Variants in FKBP2 observed in about 807,000 individuals in gnomAD.
FKBP2 encodes the protein FKBP prolyl isomerase 2, also known as peptidyl-prolyl cis-trans isomerase FKBP2.
A neutral mutation model predicts 19.4 loss-of-function variants in FKBP2; 15 were observed. That is an observed-to-expected ratio of 0.77 (90% CI 0.52 to 1.19). FKBP2 has a LOEUF of 1.19. Ranked by LOEUF, FKBP2 falls within the 50% of genes most tolerant of loss-of-function variation. The pLI is 0.00. For missense variants in FKBP2, 170 were observed against 179.0 expected (o/e 0.95, Z 0.29); for synonymous variants, 76 against 74.8 (o/e 1.02, Z -0.08).
chr11:64,243,550 A>G, intron 4 of FKBP2, 53 bp downstream of exon 4: 1 of 1,599,888 alleles, frequency 6.3e-7, no homozygotes, highest in Non-Finnish European at 8.6e-7. Flanking sequence ...GTGACTGGGA[A>G]GGGTGAAAGC....
Position 64,244,131 on chromosome 11 carries a change from A to C in FKBP2, c.*102A>C. 7.7e-7 allele frequency: 1 copy of C among 1,303,702 alleles called. No homozygotes were observed. Among genetic ancestry groups the C allele is most frequent in the Non-Finnish European group, 1.1e-6 (1 of 940,710 alleles). 80.8% of individuals were successfully genotyped at this position (1,303,702 alleles called of 1,614,324 possible). On this transcript the variant is annotated 3_prime_UTR_variant, in exon 6 of 6. Coordinates refer to ENST00000309366, the MANE Select transcript of FKBP2 (RefSeq NM_004470.4). ...CAAACAAAAAAACACTTAAAAGCCC[A>C]AGGAGTAAGCCTGTGTGTGTTTGTG...
intron 4 of FKBP2, 98 bp downstream of exon 4, chr11:64,243,595 T>G: frequency 6.9e-7 from 1 of 1,449,916 alleles, no homozygotes; most frequent in Non-Finnish European, 9.6e-7. Flanking sequence ...ACCGTATCCA[T>G]TCATTACAAT....
intron 1 of FKBP2, chr11:64,242,090 G>T (rs2030541348): frequency 3.0e-6 from 1 of 331,212 alleles, no homozygotes; most frequent in Non-Finnish European, 5.6e-6. Context: ...AGCGGAGGTG[G>T]GGACTGGGAG....
At position 64,242,427 on chromosome 11, in the gene FKBP2, A is replaced by G. The variant is rs1212613233; in HGVS notation, c.40A>G (p.Ile14Val). Reference sequence around the variant, plus strand: ...GTTCCGGGTCCTGACAGTACTGTCCATCTGCCTGAGCGCCGTGGCCACGGC... The same window carrying G: ...GTTCCGGGTCCTGACAGTACTGTCCGTCTGCCTGAGCGCCGTGGCCACGGC... ...SWFRVLTVLS[I>V]CLSAVATATG... The change falls in exon 2 of 6, where the codon ATC becomes GTC. Residue 14 changes from isoleucine (I) to valine (V), a missense_variant. Transcript: ENST00000309366. 9 of 1,555,502 alleles carry G rather than the reference A, an allele frequency of 5.8e-6. No homozygotes were observed. Among genetic ancestry groups the G allele is most frequent in the African/African-American group, 1.4e-5 (1 of 70,572 alleles).
rs2030749627 is a variant in FKBP2 at position 64,244,093 on chromosome 11, C to A, written c.*64C>A. On this transcript the variant is annotated 3_prime_UTR_variant, in exon 6 of 6. Coordinates refer to ENST00000309366, the MANE Select transcript of FKBP2 (RefSeq NM_004470.4). ...GGACCAGACTGTTCCAAAAAAAAAA[C>A]AAAAAACAAAAACAAACAAAAAAAC... is the stretch of plus-strand genomic sequence containing the variant. The A allele has an allele frequency of 4.6e-6, 7 of 1,524,368 alleles. No homozygotes were observed. Among genetic ancestry groups the A allele is most frequent in the Admixed American group, 1.8e-5 (1 of 54,844 alleles). The allele number at this position is 1,524,368 out of a possible 1,614,324, so 94.4% of individuals were successfully genotyped here.
chr11:64,243,407 G>A (rs1400713499), intron 3 of FKBP2, 44 bp from the exon 4 acceptor site: 3 of 1,612,584 alleles, frequency 1.9e-6, no homozygotes, highest in Non-Finnish European at 2.5e-6. Flanking sequence ...TACAAGACAA[G>A]GGCCCTGGGT....
rs2030562784 is a variant in FKBP2, at chr11:64,242,308, C to T, written c.-4-76C>T. On this transcript the variant is annotated intron_variant, in intron 1 of 5. Transcript: ENST00000309366. ...AAGATACAGTGGCGGTGGAACCCTC[C>T]TGTTACCTACCCGTGTTCCATACTC... is the stretch of plus-strand genomic sequence containing the variant. 3.0e-6 allele frequency: 4 copies of T among 1,355,246 alleles called. No individual in the cohort carries two copies. In the East Asian group the frequency reaches 8.3e-5, roughly 28 times the overall value. The allele number at this position is 1,355,246 out of a possible 1,614,324, so 84.0% of individuals were successfully genotyped here.
chr11:64,243,352 TG>T, intron 3 of FKBP2, 41 bp downstream of exon 3: 2 of 1,597,700 alleles, frequency 1.3e-6, no homozygotes, highest in Non-Finnish European at 1.7e-6. Flanking sequence ...GGGGCGTGCA[TG>T]GCCACCGCCC....
At position 64,244,063 on chromosome 11, in the gene FKBP2, A is replaced by C; in HGVS notation, c.*34A>C. On this transcript the variant is annotated 3_prime_UTR_variant, in exon 6 of 6. Coordinates refer to ENST00000309366, the MANE Select transcript of FKBP2 (RefSeq NM_004470.4). Reference sequence around the variant, plus strand: ...GGGAGGGGCAGGGGGAGAGGCCCCCATCAGGGACCAGACTGTTCCAAAAAA... The same window carrying C: ...GGGAGGGGCAGGGGGAGAGGCCCCCCTCAGGGACCAGACTGTTCCAAAAAA... 1 of 1,603,270 alleles carries C rather than the reference A, an allele frequency of 6.2e-7. No homozygotes were observed. Among genetic ancestry groups the C allele is most frequent in the Non-Finnish European group, 8.5e-7 (1 of 1,170,492 alleles).
Position 64,242,556 on chromosome 11 carries a change from A to G in FKBP2, c.169A>G (p.Thr57Ala). The part of the protein sequence containing the change: ...RKGDVLHMHY[T>A]GKLEDGTEFD... ...AGGGGATGTCCTGCACATGCACTAC[A>G]CGGTGAGTGGGTTGGGCGGGCCTTT... Residue 57 changes from threonine (T) to alanine (A), a missense_variant and splice_region_variant, in exon 2 of 6, where the codon ACG (threonine) becomes GCG (alanine). Transcript: ENST00000309366. The G allele has an allele frequency of 6.6e-7, 1 of 1,525,802 alleles. No homozygotes were observed. The highest frequency in any genetic ancestry group is 8.8e-7 in the Non-Finnish European group (1 of 1,141,566). 94.5% of individuals were successfully genotyped at this position (1,525,802 alleles called of 1,614,324 possible).
At chr11:64,242,678 TA>T (rs1351820294) in intron 2 of FKBP2, 120 bp downstream of exon 2, 80 of 1,096,048 alleles carry the variant, frequency 7.3e-5, no homozygotes, top group Non-Finnish European at 9.2e-5. Flanking sequence ...CTCTCGCCTC[TA>T]AGCCAGTTTC....
intron 2 of FKBP2, 142 bp downstream of exon 2, chr11:64,242,700 C>A: frequency 1.1e-6 from 1 of 902,844 alleles, no homozygotes; most frequent in Non-Finnish European, 1.6e-6. Flanking sequence ...CATGGTTCTG[C>A]CTTGCCCTTG....
At chr11:64,243,761 AGGGGC>A in intron 4 of FKBP2, 75 bp from the exon 5 acceptor site, 1 of 1,573,224 alleles carries the variant, frequency 6.4e-7, no homozygotes, top group Non-Finnish European at 8.7e-7. Flanking sequence ...TCTTGCTGAG[AGGGGC>A]GGAACACTCT....
At position 64,243,366 on chromosome 11, in the gene FKBP2, G is replaced by A. The variant is rs567641756; in HGVS notation, c.284+55G>A. The A allele has an allele frequency of 1.3e-4, 206 of 1,604,274 alleles. 2 individuals are homozygous for A. In the African/African-American group the frequency reaches 2.4e-3, roughly 19 times the overall value. ...GGGGGCGTGCATGGCCACCGCCCAGGAGGTAAGCTGTGGGAGGCAAGCCCC... is the reference window on the plus strand; with the variant it reads ...GGGGGCGTGCATGGCCACCGCCCAGAAGGTAAGCTGTGGGAGGCAAGCCCC... On this transcript the variant is annotated intron_variant, in intron 3 of 5. Transcript: ENST00000309366.
At chr11:64,242,762 C>T (rs574225962) in intron 2 of FKBP2, among the ~76,000 whole-genome samples, 4 of 150,378 alleles carry the variant, frequency 2.7e-5, no homozygotes, top group Admixed American at 2.6e-4. Flanking sequence ...TGTGAGCTGC[C>T]CAAGGCTCTG....
chr11:64,244,012 C>A lies in FKBP2; in HGVS notation c.412C>A (p.Arg138=), dbSNP rs748473913. Residue 138 remains arginine (R), a synonymous_variant, in exon 6 of 6, where the codon CGA becomes AGA. Coordinates refer to ENST00000309366, the MANE Select transcript of FKBP2 (RefSeq NM_004470.4). The part of the protein sequence containing the change: ...VFEVELLKIE[R]RTEL ...CGAGGTGGAGCTGCTCAAAATAGAGCGACGAACTGAGCTGTAACCAGACTG... is the reference window on the plus strand; with the variant it reads ...CGAGGTGGAGCTGCTCAAAATAGAGAGACGAACTGAGCTGTAACCAGACTG... 2 of 1,613,818 alleles carry A rather than the reference C, an allele frequency of 1.2e-6. No individual in the cohort carries two copies. Among genetic ancestry groups the A allele is most frequent in the Non-Finnish European group, 8.5e-7 (1 of 1,179,944 alleles).
Position 64,242,463 on chromosome 11 carries a change from G to T in FKBP2, c.76G>T (p.Glu26Ter). The T allele has an allele frequency of 6.5e-7, 1 of 1,548,912 alleles. No homozygotes were observed. The highest frequency in any genetic ancestry group is 8.7e-7 in the Non-Finnish European group (1 of 1,154,878). Residue 26 changes from glutamate to a stop codon, truncating the protein, a stop_gained, in exon 2 of 6, where the codon GAG becomes TAG. Transcript: ENST00000309366. LOFTEE classifies it high-confidence loss of function. ...CGCCGTGGCCACGGCCACGGGGGCC[G>T]AGGGCAAAAGGAAGCTGCAGATCGG... is the stretch of plus-strand genomic sequence containing the variant. ...LSAVATATGAEGKRKLQIGVK... is the reference protein window; with the variant it reads ...LSAVATATGA
At chr11:64,243,396 A>T in intron 3 of FKBP2, 55 bp from the exon 4 acceptor site, 1 of 1,611,314 alleles carries the variant, frequency 6.2e-7, no homozygotes, top group Non-Finnish European at 8.5e-7. Flanking sequence ...AGCCCCAGGG[A>T]TACAAGACAA....
chr11:64,243,026 C>T (rs527930869), intron 2 of FKBP2, among the ~76,000 whole-genome samples, 173 bp from the exon 3 acceptor site: 2 of 152,262 alleles, frequency 1.3e-5, no homozygotes, highest in East Asian at 3.9e-4. Context: ...GAGGCGAGAT[C>T]ACGCCGCTGC....
Sources: gnomAD v4.1 joint callset for allele counts (sites outside exome capture counted in the v4.1 genomes callset) on GRCh38, gnomAD v4.1.1 for gene constraint, MANE v1.5 for transcripts, NCBI Gene and HGNC (gene_info 2026-07-23, HGNC 2026-07-21) for gene names.